Variants in NFE2L3 observed in about 807,000 individuals in gnomAD.
NFE2L3 encodes the protein NFE2 like bZIP transcription factor 3.
In NFE2L3, 18 loss-of-function variants were observed where a neutral mutation model predicts 23.5. That is an observed-to-expected ratio of 0.77 (90% CI 0.53 to 1.13). The LOEUF is 1.13. Ranked by LOEUF, NFE2L3 falls within the 50% of genes most tolerant of loss-of-function variation. The pLI, the probability that NFE2L3 is intolerant of heterozygous loss-of-function variation, is 0.00. For missense variants in NFE2L3, 1,152 were observed against 877.2 expected, an observed-to-expected ratio of 1.31 and a Z score of -3.96; for synonymous variants, 424 against 354.5, an observed-to-expected ratio of 1.20 and a Z score of -2.20.
intron 2 of NFE2L3, among the ~76,000 whole-genome samples, chr7:26,180,848 A>G (rs1251933301): frequency 6.6e-6 from 1 of 152,170 alleles, no homozygotes. Flanking sequence ...TTTCAGAAAC[A>G]TATTAATCAT....
intron 1 of NFE2L3, among the ~76,000 whole-genome samples, chr7:26,169,354 A>G (rs953254822): frequency 2.6e-5 from 4 of 152,218 alleles, no homozygotes; most frequent in Non-Finnish European, 5.9e-5. Context: ...ACTGTGATGC[A>G]GGCTGGCAGA....
At chr7:26,156,748 C>T (rs1433028091) in intron 1 of NFE2L3, among the ~76,000 whole-genome samples, 1 of 152,202 alleles carries the variant, frequency 6.6e-6, no homozygotes, top group Admixed American at 6.5e-5. Context: ...GATGTGGTTT[C>T]CTATCCTGGT....
chr7:26,185,883 T>C lies in NFE2L3; in HGVS notation c.*100T>C. On this transcript the variant is annotated 3_prime_UTR_variant, in exon 4 of 4. Coordinates refer to ENST00000056233, the MANE Select transcript of NFE2L3 (RefSeq NM_004289.7). ...GAAACTGCTTCAAGAATTGTATCTT[T>C]AAGTACTGCTACTTGAATAACTCAG... 5 of 941,424 alleles carry C rather than the reference T, an allele frequency of 5.3e-6. No individual in the cohort carries two copies. The highest frequency in any genetic ancestry group is 6.2e-6 in the Non-Finnish European group (4 of 641,838). 58.3% of individuals were successfully genotyped at this position (941,424 alleles called of 1,614,324 possible).
At chr7:26,169,918 C>T (rs924631580) in intron 1 of NFE2L3, among the ~76,000 whole-genome samples, 4 of 151,138 alleles carry the variant, frequency 2.6e-5, no homozygotes, top group African/African-American at 7.3e-5. Flanking sequence ...GGCAACATGG[C>T]GAGACCCCGT....
intron 1 of NFE2L3, among the ~76,000 whole-genome samples, chr7:26,162,481 T>C (rs182105563): frequency 6.6e-6 from 1 of 152,152 alleles, no homozygotes; most frequent in Admixed American, 6.5e-5. Context: ...AAATTTTCCA[T>C]AATAAGGAAA....
intron 1 of NFE2L3, among the ~76,000 whole-genome samples, chr7:26,155,250 C>A: frequency 6.6e-6 from 1 of 152,194 alleles, no homozygotes; most frequent in South Asian, 2.1e-4. Flanking sequence ...CGAGACCAGA[C>A]TGGGCAACAT....
At chr7:26,178,684 G>A (rs550493660) in intron 2 of NFE2L3, among the ~76,000 whole-genome samples, 11 of 152,224 alleles carry the variant, frequency 7.2e-5, no homozygotes, top group East Asian at 5.8e-4. Context: ...ATGAACTCCC[G>A]GAGCCAGGCT....
In NFE2L3 at chr7:26,185,709, A is replaced by C; in HGVS notation, c.2011A>C (p.Ser671Arg). The C allele has an allele frequency of 6.2e-7, 1 of 1,613,752 alleles. No homozygotes were observed. The highest frequency in any genetic ancestry group is 1.1e-5 in the South Asian group (1 of 91,000). Residue 671 changes from serine to arginine, a missense_variant, in exon 4 of 4, where the codon AGT becomes CGT. Coordinates refer to ENST00000056233, the MANE Select transcript of NFE2L3 (RefSeq NM_004289.7). ...HYALQCTHDGSILIVPKELVA... is the reference protein window; with the variant it reads ...HYALQCTHDGRILIVPKELVA... ...TGCTCTCCAGTGTACCCATGATGGA[A>C]GTATCTTGATAGTACCCAAAGAACT...
At chr7:26,184,273 T>A (rs1007323778) in intron 3 of NFE2L3, 1 of 433,890 alleles carries the variant, frequency 2.3e-6, no homozygotes, top group African/African-American at 2.0e-5. Flanking sequence ...ATTGTAACAT[T>A]AGACTTTTTA....
chr7:26,185,038 T>A lies in NFE2L3; in HGVS notation c.1340T>A (p.Ile447Lys). The part of the protein sequence containing the change: ...SSHSVCDEGA[I>K]GYCTDHESSS... ...CACTCTGTGTGTGATGAAGGTGCTA[T>A]AGGTTATTGCACTGACCATGAATCT... Residue 447 changes from isoleucine to lysine, a missense_variant, in exon 4 of 4, where the codon ATA (isoleucine) becomes AAA (lysine). Coordinates refer to ENST00000056233, the MANE Select transcript of NFE2L3 (RefSeq NM_004289.7). 1 of 1,613,914 alleles carries A rather than the reference T, an allele frequency of 6.2e-7. No homozygotes were observed. The highest frequency in any genetic ancestry group is 1.1e-5 in the South Asian group (1 of 91,070).
At chr7:26,155,363 A>T (rs932868654) in intron 1 of NFE2L3, among the ~76,000 whole-genome samples, 4 of 152,138 alleles carry the variant, frequency 2.6e-5, no homozygotes, top group African/African-American at 9.7e-5. Flanking sequence ...AATCACTTGA[A>T]TCTGGGCGGC....
Position 26,183,727 on chromosome 7 carries a change from T to C in NFE2L3, c.777T>C (p.Ser259=). 1 of 1,612,144 alleles carries C rather than the reference T, an allele frequency of 6.2e-7. No individual in the cohort carries two copies. Among genetic ancestry groups the C allele is most frequent in the Non-Finnish European group, 8.5e-7 (1 of 1,178,168 alleles). The change falls in exon 3 of 4, where the codon TCT becomes TCC. Residue 259 remains serine, a synonymous_variant. Coordinates refer to ENST00000056233, the MANE Select transcript of NFE2L3 (RefSeq NM_004289.7). Reference sequence around the variant, plus strand: ...GACATCTGAATGGGACAGATACTTCTTTCTCTCTGGAAGACTTATTCCAGT... The same window carrying C: ...GACATCTGAATGGGACAGATACTTCCTTCTCTCTGGAAGACTTATTCCAGT... ...NERHLNGTDT[S]FSLEDLFQLL... is the part of the protein sequence containing the mutation.
At chr7:26,154,807 C>T (rs920114994) in intron 1 of NFE2L3, among the ~76,000 whole-genome samples, 1 of 152,208 alleles carries the variant, frequency 6.6e-6, no homozygotes, top group Non-Finnish European at 1.5e-5. Flanking sequence ...TCCCAAAGTG[C>T]TGGGTTTACA....
In NFE2L3 at chr7:26,185,211, A is replaced by T. The variant is rs1426596053; in HGVS notation, c.1513A>T (p.Thr505Ser). ...TAACCACACTTACCACTTACAGCCA[A>T]CTGCACCAGAATCTACTTCTGAACC... ...FHNHTYHLQPTAPESTSEPFP... is the reference protein window; with the variant it reads ...FHNHTYHLQPSAPESTSEPFP... Residue 505 changes from threonine to serine, a missense_variant, in exon 4 of 4, where the codon ACT becomes TCT. Physicochemically the swap from Thr to Ser is moderately conservative, Grantham distance 58 (BLOSUM62 1). Coordinates refer to ENST00000056233, the MANE Select transcript of NFE2L3 (RefSeq NM_004289.7). The T allele has an allele frequency of 1.9e-6, 3 of 1,613,968 alleles. No individual in the cohort carries two copies. The Admixed American group carries it at 5.0e-5, about 27-fold the overall frequency.
chr7:26,180,720 T>C (rs1428156715), intron 2 of NFE2L3, among the ~76,000 whole-genome samples: 1 of 152,248 alleles, frequency 6.6e-6, no homozygotes, highest in African/African-American at 2.4e-5. Context: ...AATTCACTGC[T>C]AGGCACAGAC....
Position 26,184,877 on chromosome 7 carries a change from CTT to C in NFE2L3, c.1180_1181del (p.Leu394AsnfsTer10), listed in dbSNP as rs769216144. Reference protein sequence around the residue: ...LDINIFDEINLMSLATEDNFD... With the variant: ...LDINIFDEINXMSLATEDNFD... Reference sequence around the variant, plus strand: ...ACATAAATATATTTGATGAGATAAACTTAATGTCATTGGCCACAGAAGACAAC... The same window carrying C: ...ACATAAATATATTTGATGAGATAAACAATGTCATTGGCCACAGAAGACAAC... On this transcript the variant is annotated frameshift_variant, in exon 4 of 4. Coordinates refer to ENST00000056233, the MANE Select transcript of NFE2L3 (RefSeq NM_004289.7). LOFTEE classifies it low-confidence loss of function (END_TRUNC). 36 of 1,613,704 alleles carry C rather than the reference CTT, an allele frequency of 2.2e-5. No homozygotes were observed. The highest frequency in any genetic ancestry group is 1.6e-4 in the Middle Eastern group (1 of 6,078).
chr7:26,184,329 T>C (rs541637528), intron 3 of NFE2L3: 3 of 532,630 alleles, frequency 5.6e-6, no homozygotes, highest in Admixed American at 3.6e-5. Flanking sequence ...AATTTCTAGG[T>C]TACTCAGAAT....
intron 1 of NFE2L3, among the ~76,000 whole-genome samples, chr7:26,161,412 A>G (rs151007596): frequency 2.2e-4 from 29 of 132,834 alleles, no homozygotes; most frequent in East Asian, 1.7e-3. Flanking sequence ...AGGGAAATCC[A>G]GTGACAAAAT....
At chr7:26,162,656 G>C (rs1355392705) in intron 1 of NFE2L3, among the ~76,000 whole-genome samples, 1 of 151,816 alleles carries the variant, frequency 6.6e-6, no homozygotes, top group African/African-American at 2.4e-5. Context: ...TATCTGCCAA[G>C]TTTTTCAGCT....
Sources: gnomAD v4.1 joint callset for allele counts (sites outside exome capture counted in the v4.1 genomes callset) on GRCh38, gnomAD v4.1.1 for gene constraint, MANE v1.5 for transcripts, NCBI Gene and HGNC (gene_info 2026-07-23, HGNC 2026-07-21) for gene names.